The following DSCAM variants were observed in gnomAD, a reference collection of about 807,000 sequenced individuals.
The protein encoded by DSCAM is DS cell adhesion molecule.
DSCAM carries 47 observed loss-of-function variants against 217.7 expected under a neutral mutation model. That is an observed-to-expected ratio of 0.22 (90% CI 0.17 to 0.28). DSCAM has a LOEUF of 0.28. Ranked by LOEUF, DSCAM falls within the 10% of genes least tolerant of loss-of-function variation. The pLI, the probability that DSCAM is intolerant of heterozygous loss-of-function variation, is 1.00. For synonymous variants in DSCAM, 1,056 were observed against 1,015.3 expected (o/e 1.04, Z -0.76); for missense variants, 2,080 against 2,618.3 (o/e 0.79, Z 4.49).
chr21:40,576,060 AG>A (rs2076848024), intron 3 of DSCAM, among the ~76,000 whole-genome samples: 1 of 150,400 alleles, frequency 6.6e-6, no homozygotes, highest in African/African-American at 2.4e-5. Context: ...GGTACCTTTT[AG>A]AAGTTTTATA....
At position 40,768,487 on chromosome 21, in the gene DSCAM, T is replaced by C. The variant is rs187188492; in HGVS notation, c.44-59716A>G. Among the ~76,000 whole-genome samples the C allele has an allele frequency of 7.6e-3, 1,152 of 152,350 alleles. 17 individuals carry two copies. Among genetic ancestry groups the C allele is most frequent in the African/African-American group, 0.026 (1,089 of 41,582 alleles). On this transcript the variant is annotated intron_variant, in intron 1 of 32. Coordinates refer to ENST00000400454, the MANE Select transcript of DSCAM (RefSeq NM_001389.5). ...GTCTTTCACTAACCGAAAGCATTCT[T>C]CTCTATCCCTCCCAGTAATTCCTGC...
intron 1 of DSCAM, among the ~76,000 whole-genome samples, chr21:40,727,687 G>A (rs2090970704): frequency 6.6e-6 from 1 of 151,948 alleles, no homozygotes; most frequent in South Asian, 2.1e-4. Context: ...TTCTACCCTG[G>A]TCCCCTACAC....
intron 1 of DSCAM, among the ~76,000 whole-genome samples, chr21:40,824,205 G>A (rs546674265): frequency 2.0e-5 from 3 of 152,038 alleles, no homozygotes; most frequent in East Asian, 1.9e-4. Flanking sequence ...CCCCGGCACC[G>A]TGGAATTAGC....
At chr21:40,139,285 G>T (rs1218246829) in intron 18 of DSCAM, among the ~76,000 whole-genome samples, 1 of 151,952 alleles carries the variant, frequency 6.6e-6, no homozygotes, top group Non-Finnish European at 1.5e-5. Flanking sequence ...CTGACAACAC[G>T]TGCCCAGGGT....
rs189886367 is a variant in DSCAM at position 40,217,066 on chromosome 21, G to C, written c.2357-27828C>G. 4.0e-3 allele frequency among the ~76,000 whole-genome samples: 603 copies of C among 152,260 alleles called. 6 individuals carry two copies. Among genetic ancestry groups the C allele is most frequent in the Non-Finnish European group, 5.4e-3 (368 of 68,020 alleles). ...TAAAACACAACCTGGCTTTCTAAAAGAGAATATCTGTTATCCCTTTCTCAA... is the reference window on the plus strand; with the variant it reads ...TAAAACACAACCTGGCTTTCTAAAACAGAATATCTGTTATCCCTTTCTCAA... On this transcript the variant is annotated intron_variant, in intron 11 of 32. Coordinates refer to ENST00000400454, the MANE Select transcript of DSCAM (RefSeq NM_001389.5).
intron 3 of DSCAM, among the ~76,000 whole-genome samples, chr21:40,664,033 G>T (rs2090171934): frequency 6.6e-6 from 1 of 152,158 alleles, no homozygotes; most frequent in African/African-American, 2.4e-5. Flanking sequence ...ATATCAGTCT[G>T]CTCAAAGTCT....
chr21:40,566,724 G>C (rs746335884), intron 3 of DSCAM, among the ~76,000 whole-genome samples: 33 of 152,212 alleles, frequency 2.2e-4, no homozygotes, highest in Non-Finnish European at 4.3e-4. Flanking sequence ...AGTCTGCTAG[G>C]AAGAGAAGTA....
At chr21:40,211,983 G>T (rs904523373) in intron 11 of DSCAM, among the ~76,000 whole-genome samples, 21 of 151,718 alleles carry the variant, frequency 1.4e-4, no homozygotes, top group Non-Finnish European at 2.4e-4. Context: ...TTTGGTGTGG[G>T]GGGTGGGAGG....
At chr21:40,030,776 C>G (rs536429186) in intron 32 of DSCAM, among the ~76,000 whole-genome samples, 1 of 152,296 alleles carries the variant, frequency 6.6e-6, no homozygotes, top group South Asian at 2.1e-4. Context: ...CTTAAGGGCT[C>G]TTATAGAATT....
chr21:40,366,316 C>T (rs1700190689), intron 4 of DSCAM, among the ~76,000 whole-genome samples: 1 of 152,076 alleles, frequency 6.6e-6, no homozygotes, highest in South Asian at 2.1e-4. Flanking sequence ...GACATCTATA[C>T]ATTTTTAACT....
chr21:40,689,733 G>T (rs1015524146), intron 3 of DSCAM, among the ~76,000 whole-genome samples: 1 of 152,238 alleles, frequency 6.6e-6, no homozygotes, highest in African/African-American at 2.4e-5. Context: ...GGACCTGGGA[G>T]ATGGCCATGC....
intron 3 of DSCAM, among the ~76,000 whole-genome samples, chr21:40,447,616 G>T (rs1601651517): frequency 6.6e-6 from 1 of 152,070 alleles, no homozygotes; most frequent in South Asian, 2.1e-4. Context: ...CCTTTTCTTG[G>T]TTTTTCTAAT....
intron 32 of DSCAM, among the ~76,000 whole-genome samples, chr21:40,022,887 ATTAT>A (rs2088300839): frequency 6.8e-6 from 1 of 147,562 alleles, no homozygotes; most frequent in Non-Finnish European, 1.5e-5. Flanking sequence ...TTTTTCTTTT[ATTAT>A]TTTAAGTTTT....
At position 40,042,378 on chromosome 21, in the gene DSCAM, A is replaced by G; in HGVS notation, c.5679T>C (p.His1893=). The G allele has an allele frequency of 6.2e-7, 1 of 1,613,322 alleles. No homozygotes were observed. The highest frequency in any genetic ancestry group is 8.5e-7 in the Non-Finnish European group (1 of 1,179,476). ...RVMNMAVPKA[H]RPGDLIHLPP... Reference sequence around the variant, plus strand: ...GTGGCCTTGCTCACCTACCTGGCCGATGTGCCTTTGGAACTGCCATATTCA... The same window carrying G: ...GTGGCCTTGCTCACCTACCTGGCCGGTGTGCCTTTGGAACTGCCATATTCA... The change falls in exon 32 of 33, where the codon CAT becomes CAC. Residue 1893 remains histidine, a synonymous_variant. Coordinates refer to ENST00000400454, the MANE Select transcript of DSCAM (RefSeq NM_001389.5).
intron 3 of DSCAM, among the ~76,000 whole-genome samples, chr21:40,636,432 G>T (rs1450477998): frequency 6.6e-6 from 1 of 152,112 alleles, no homozygotes; most frequent in African/African-American, 2.4e-5. Context: ...CACTGCTTCT[G>T]CAGCCAGGAA....
chr21:40,720,786 G>T (rs1369673974), intron 1 of DSCAM, among the ~76,000 whole-genome samples: 1 of 152,136 alleles, frequency 6.6e-6, no homozygotes, highest in Non-Finnish European at 1.5e-5. Context: ...ATAAAACTTG[G>T]TTATATTGTG....
intron 20 of DSCAM, 89 bp from the exon 21 acceptor site, chr21:40,093,963 T>A: frequency 1.5e-6 from 2 of 1,378,054 alleles, no homozygotes; most frequent in Admixed American, 4.7e-5. Context: ...ACATATTAAA[T>A]ATCATAACAA....
At chr21:40,062,231 G>A (rs1224307196) in intron 28 of DSCAM, among the ~76,000 whole-genome samples, 1 of 152,214 alleles carries the variant, frequency 6.6e-6, no homozygotes, top group Non-Finnish European at 1.5e-5. Context: ...TGTGAAGGAT[G>A]CATTTCTGTC....
rs532900491 is a variant in DSCAM, at chr21:40,199,821, C to G, written c.2357-10583G>C. On this transcript the variant is annotated intron_variant, in intron 11 of 32. Transcript: ENST00000400454. ...AGAGCATTAGGACAAATATCTAATGCATGCAGGGCTTAAAACCTAGATGAC... is the reference window on the plus strand; with the variant it reads ...AGAGCATTAGGACAAATATCTAATGGATGCAGGGCTTAAAACCTAGATGAC... Among the ~76,000 whole-genome samples the G allele has an allele frequency of 5.3e-5, 8 of 152,186 alleles. No homozygotes were observed. The East Asian group carries it at 1.5e-3, about 29-fold the overall frequency.
Sources: gnomAD v4.1 joint callset for allele counts (sites outside exome capture counted in the v4.1 genomes callset) on GRCh38, gnomAD v4.1.1 for gene constraint, MANE v1.5 for transcripts, NCBI Gene and HGNC (gene_info 2026-07-23, HGNC 2026-07-21) for gene names.